UTP11: variants seen among roughly 807,000 people sequenced by gnomAD.
UTP11 encodes probable U3 small nucleolar RNA-associated protein 11.
Under a neutral mutation model 39.0 loss-of-function variants are expected in UTP11, and 29 were observed. The ratio of observed to expected loss-of-function variants is 0.74; its 90% CI spans 0.55 to 1.01. The LOEUF (loss-of-function observed/expected upper bound fraction) is 1.01, where lower values mean the gene tolerates loss of function less well. Among genes scored for constraint, UTP11 ranks in the 50% least tolerant of loss-of-function variants. The pLI is 0.00. For synonymous variants in UTP11, 111 were observed against 105.0 expected, an observed-to-expected ratio of 1.06 and a Z score of -0.35; for missense variants, 281 against 306.0, an observed-to-expected ratio of 0.92 and a Z score of 0.61.
At position 38,023,561 on chromosome 1, in the gene UTP11, T is replaced by C. The variant is rs1646749646; in HGVS notation, c.695T>C (p.Val232Ala). The C allele has an allele frequency of 6.2e-7, 1 of 1,610,878 alleles. No individual in the cohort carries two copies. Among genetic ancestry groups the C allele is most frequent in the East Asian group, 2.2e-5 (1 of 44,724 alleles). The change falls in exon 8 of 8, where the codon GTG becomes GCG. Residue 232 changes from valine (V) to alanine (A), a missense_variant. Physicochemically the swap from Val to Ala is moderately conservative, Grantham distance 64 (BLOSUM62 0). Coordinates refer to ENST00000373014, the MANE Select transcript of UTP11 (RefSeq NM_016037.4). ...RKDLMDKTQKVKVKKETVNSP... is the reference protein window; with the variant it reads ...RKDLMDKTQKAKVKKETVNSP... ...CTTTTGTAGGATAAAACTCAGAAAG[T>C]GAAGGTGAAGAAAGAAACGGTGAAC... is the stretch of plus-strand genomic sequence containing the variant.
At chr1:38,013,986 A>T (rs542808818) in intron 1 of UTP11, among the ~76,000 whole-genome samples, 2 of 152,332 alleles carry the variant, frequency 1.3e-5, no homozygotes, top group East Asian at 1.9e-4. Context: ...AAGTGCTGGG[A>T]TTACAGGCGT....
In UTP11 at chr1:38,023,667, C is replaced by T; in HGVS notation, c.*39C>T. Reference sequence around the variant, plus strand: ...AGCCTTGTCATTCTGTATCAAAAATCTGTTGTCGTTTTCTAGTAACTTCAA... The same window carrying T: ...AGCCTTGTCATTCTGTATCAAAAATTTGTTGTCGTTTTCTAGTAACTTCAA... On this transcript the variant is annotated 3_prime_UTR_variant, in exon 8 of 8. Coordinates refer to ENST00000373014, the MANE Select transcript of UTP11 (RefSeq NM_016037.4). 6.4e-7 allele frequency: 1 copy of T among 1,563,814 alleles called. No homozygotes were observed. The highest frequency in any genetic ancestry group is 8.7e-7 in the Non-Finnish European group (1 of 1,152,898).
rs116116356 is a variant in UTP11 at position 38,013,545 on chromosome 1, G to A, written c.63+680G>A. Among the ~76,000 whole-genome samples, 477 of 152,174 alleles carry A rather than the reference G, an allele frequency of 3.1e-3. 5 individuals are homozygous for A. The highest frequency in any genetic ancestry group is 0.011 in the African/African-American group (462 of 41,496). The stretch of plus-strand genomic sequence containing the variant: ...TATATGCAGAATCAGTTGATACACT[G>A]TCAGGAATCCCGTGCTTAATATCTG... On this transcript the variant is annotated intron_variant, in intron 1 of 7. Transcript: ENST00000373014.
chr1:38,014,912 A>G (rs190047206), intron 1 of UTP11, among the ~76,000 whole-genome samples: 40 of 152,280 alleles, frequency 2.6e-4, no homozygotes, highest in African/African-American at 8.9e-4. Flanking sequence ...CCAAAGTGCT[A>G]GGATTGCAAG....
In UTP11 at chr1:38,023,744, T is replaced by C; in HGVS notation, c.*116T>C. The stretch of plus-strand genomic sequence containing the variant: ...TTCCGGTTTGTAACCATAACTAAAT[T>C]GTCAGTCTGACATTTAATGTCTTTC... On this transcript the variant is annotated 3_prime_UTR_variant, in exon 8 of 8. Coordinates refer to ENST00000373014, the MANE Select transcript of UTP11 (RefSeq NM_016037.4). 3 of 776,452 alleles carry C rather than the reference T, an allele frequency of 3.9e-6. No individual in the cohort carries two copies. Among genetic ancestry groups the C allele is most frequent in the Non-Finnish European group, 5.9e-6 (3 of 505,992 alleles). The allele number at this position is 776,452 out of a possible 1,614,324, so 48.1% of individuals were successfully genotyped here. A position where few individuals can be genotyped will look rare whatever the true frequency, so the allele number is the denominator to read the frequency against.
chr1:38,020,454 C>T (rs1313901505), intron 6 of UTP11, among the ~76,000 whole-genome samples: 1 of 152,038 alleles, frequency 6.6e-6, no homozygotes, highest in Admixed American at 6.6e-5. Flanking sequence ...TTTGGCTTTT[C>T]CTTATGGTGC....
rs946588769 is a variant in UTP11, at chr1:38,023,048, G to A, written c.678+239G>A. Among the ~76,000 whole-genome samples the A allele has an allele frequency of 5.3e-5, 8 of 152,262 alleles. No individual in the cohort carries two copies. The East Asian group carries it at 1.2e-3, about 22-fold the overall frequency. ...CTTTGGAACAGCAAAGGGTAGGATC[G>A]GGTAGCATATGAACTTTATAGCTTA... On this transcript the variant is annotated intron_variant, in intron 7 of 7. Coordinates refer to ENST00000373014, the MANE Select transcript of UTP11 (RefSeq NM_016037.4).
At position 38,024,766 on chromosome 1, in the gene UTP11, T is replaced by A. The variant is rs1254940702; in HGVS notation, c.*1138T>A. 1 of 152,214 alleles carries A rather than the reference T, an allele frequency of 6.6e-6. No individual in the cohort carries two copies. The highest frequency in any genetic ancestry group is 2.4e-5 in the African/African-American group (1 of 41,446). The allele number at this position is 152,214 out of a possible 1,614,324, so 9.4% of individuals were successfully genotyped here. A position where few individuals can be genotyped will look rare whatever the true frequency, so the allele number is the denominator to read the frequency against. ...TCCCAGTTTGTTACATCACAAAAGT[T>A]TTTTACAGTAATATATGCTAGAGTA... On this transcript the variant is annotated 3_prime_UTR_variant, in exon 8 of 8. Transcript: ENST00000373014.
At chr1:38,016,476 A>T in intron 2 of UTP11, 56 bp downstream of exon 2, 1 of 1,582,420 alleles carries the variant, frequency 6.3e-7, no homozygotes, top group Non-Finnish European at 8.7e-7. Flanking sequence ...ACCTCCTTGC[A>T]CTGCAGCTGA....
At chr1:38,013,774 G>A (rs1248151725) in intron 1 of UTP11, among the ~76,000 whole-genome samples, 1 of 152,148 alleles carries the variant, frequency 6.6e-6, no homozygotes, top group Non-Finnish European at 1.5e-5. Flanking sequence ...GAGTGCAGTG[G>A]CACGATCTCG....
intron 1 of UTP11, among the ~76,000 whole-genome samples, chr1:38,013,310 C>T (rs774404454): frequency 3.3e-5 from 5 of 152,216 alleles, no homozygotes; most frequent in African/African-American, 4.8e-5. Flanking sequence ...TCACGCTGGG[C>T]TTGTGGTTCA....
chr1:38,023,402 A>G, intron 7 of UTP11, 143 bp from the exon 8 acceptor site: 1 of 606,062 alleles, frequency 1.7e-6, no homozygotes, highest in South Asian at 2.6e-5. Context: ...CATTGCCTAC[A>G]GTGGATGCCT....
intron 2 of UTP11, 99 bp from the exon 3 acceptor site, chr1:38,017,569 T>C (rs2148737426): frequency 1.1e-6 from 1 of 929,590 alleles, no homozygotes; most frequent in Admixed American, 3.3e-5. Context: ...TGTGTGACCT[T>C]TTAGATGCTT....
intron 4 of UTP11, 66 bp from the exon 5 acceptor site, chr1:38,018,993 G>GTTTTT: frequency 3.9e-5 from 43 of 1,101,648 alleles, no homozygotes; most frequent in Admixed American, 1.7e-4. Flanking sequence ...AACTTTTGCA[G>GTTTTT]TTTTTTTTTT....
chr1:38,016,593 G>A, intron 2 of UTP11, 173 bp downstream of exon 2: 1 of 637,198 alleles, frequency 1.6e-6, no homozygotes, highest in Non-Finnish European at 2.8e-6. Flanking sequence ...TTCTCTCTTT[G>A]TTTAGGCAGA....
intron 4 of UTP11, 83 bp from the exon 5 acceptor site, chr1:38,018,976 T>TCA: frequency 8.6e-7 from 1 of 1,159,290 alleles, no homozygotes; most frequent in Non-Finnish European, 1.2e-6. Context: ...TGATGTGAAA[T>TCA]GGTTTAAACT....
In UTP11 at chr1:38,023,643, G is replaced by A. The variant is rs1251622506; in HGVS notation, c.*15G>A. ...GAAAACGTTGACGTGTTATAGATAA[G>A]CCTTGTCATTCTGTATCAAAAATCT... On this transcript the variant is annotated 3_prime_UTR_variant, in exon 8 of 8. Transcript: ENST00000373014. 1.3e-6 allele frequency: 2 copies of A among 1,594,002 alleles called. No homozygotes were observed. The highest frequency in any genetic ancestry group is 3.6e-5 in the Admixed American group (2 of 56,124).
intron 6 of UTP11, among the ~76,000 whole-genome samples, chr1:38,019,623 A>G (rs1056835981): frequency 2.6e-5 from 4 of 152,076 alleles, no homozygotes; most frequent in African/African-American, 4.8e-5. Context: ...AACTGGGACT[A>G]TAGGGGTGCA....
In UTP11 at chr1:38,023,702, C is replaced by T. The variant is rs1378445718; in HGVS notation, c.*74C>T. On this transcript the variant is annotated 3_prime_UTR_variant, in exon 8 of 8. Coordinates refer to ENST00000373014, the MANE Select transcript of UTP11 (RefSeq NM_016037.4). ...TTTCTAGTAACTTCAAATTCCATTA[C>T]TCCAAATGGCATGGTTTTCCGGTTT... The T allele has an allele frequency of 3.0e-6, 4 of 1,316,124 alleles. No homozygotes were observed. The highest frequency in any genetic ancestry group is 2.4e-5 in the East Asian group (1 of 40,928). The allele number at this position is 1,316,124 out of a possible 1,614,324, so 81.5% of individuals were successfully genotyped here.
Sources: allele counts gnomAD v4.1 joint callset (sites outside exome capture counted in the v4.1 genomes callset), GRCh38; gene constraint gnomAD v4.1.1; transcripts MANE v1.5; gene names NCBI Gene and HGNC (gene_info 2026-07-23, HGNC 2026-07-21).